Variants in CLPP observed in about 807,000 individuals in gnomAD.
CLPP encodes the protein caseinolytic mitochondrial matrix peptidase proteolytic subunit, also known as ATP-dependent Clp protease proteolytic subunit, mitochondrial.
A neutral mutation model predicts 27.4 loss-of-function variants in CLPP; 14 were observed. The ratio of observed to expected loss-of-function variants is 0.51; its 90% CI spans 0.34 to 0.80. CLPP has a LOEUF of 0.80. CLPP is among the 30% of genes least tolerant of loss of function. The probability of loss-of-function intolerance (pLI) is 0.02; values close to 1 mark genes in which losing one functional copy is unlikely to be tolerated. For synonymous variants in CLPP, 193 were observed against 166.6 expected (o/e 1.16, Z -1.22); for missense variants, 361 against 403.6 (o/e 0.89, Z 0.90).
chr19:6,364,639 G>C lies in CLPP; in HGVS notation c.555G>C (p.Arg185=). 1.2e-6 allele frequency: 2 copies of C among 1,608,518 alleles called. No homozygotes were observed. Among genetic ancestry groups the C allele is most frequent in the Non-Finnish European group, 1.7e-6 (2 of 1,178,254 alleles). ...TCCACCAGCCCTCAGGAGGCGCCCGGGTGAGTGCCAGACACGCGAGCTGCT... is the reference window on the plus strand; with the variant it reads ...TCCACCAGCCCTCAGGAGGCGCCCGCGTGAGTGCCAGACACGCGAGCTGCT... ...IMIHQPSGGA[R]GQATDIAIQA... The change falls in exon 4 of 6, where the codon CGG becomes CGC. Residue 185 remains arginine (R), a splice_region_variant and synonymous_variant. Coordinates refer to ENST00000245816, the MANE Select transcript of CLPP (RefSeq NM_006012.4).
chr19:6,368,565 T>C lies in CLPP; in HGVS notation c.689T>C (p.Met230Thr). The stretch of plus-strand genomic sequence containing the variant: ...TCCGCCATGGAGAGGGACCGCTACA[T>C]GAGCCCCATGGAGGCCCAGGAGTTT... ...IESAMERDRY[M>T]SPMEAQEFGI... The change falls in exon 6 of 6, where the codon ATG (methionine) becomes ACG (threonine). Residue 230 changes from methionine (M) to threonine (T), a missense_variant. Coordinates refer to ENST00000245816, the MANE Select transcript of CLPP (RefSeq NM_006012.4). 1 of 1,614,112 alleles carries C rather than the reference T, an allele frequency of 6.2e-7. No individual in the cohort carries two copies. Among genetic ancestry groups the C allele is most frequent in the Non-Finnish European group, 8.5e-7 (1 of 1,180,020 alleles).
chr19:6,362,619 C>G, intron 3 of CLPP, 77 bp downstream of exon 3: 1 of 995,320 alleles, frequency 1.0e-6, no homozygotes, highest in Admixed American at 1.8e-5. Context: ...AATCCCGGGT[C>G]AGGGATGTTC....
chr19:6,364,363 C>G, intron 3 of CLPP, 89 bp from the exon 4 acceptor site: 1 of 1,246,722 alleles, frequency 8.0e-7, no homozygotes, highest in South Asian at 1.4e-5. Flanking sequence ...GGGGCTGCAT[C>G]TGTTCCACCC....
In CLPP at chr19:6,366,225, C is replaced by T. The variant is rs576609366; in HGVS notation, c.556-33C>T. On this transcript the variant is annotated intron_variant, in intron 4 of 5. Coordinates refer to ENST00000245816, the MANE Select transcript of CLPP (RefSeq NM_006012.4). ...GTGAGGGGCTGACGCCGATACCAAC[C>T]TTTACCCCCTCACTCCCTTGGACGT... is the stretch of plus-strand genomic sequence containing the variant. 221 of 1,505,768 alleles carry T rather than the reference C, an allele frequency of 1.5e-4. 4 individuals are homozygous for T. In the South Asian group the frequency reaches 2.5e-3, roughly 17 times the overall value. 93.3% of individuals were successfully genotyped at this position (1,505,768 alleles called of 1,614,324 possible).
In CLPP at chr19:6,364,559, C is replaced by T; in HGVS notation, c.475C>T (p.Leu159Phe). Residue 159 changes from leucine (L) to phenylalanine (F), a missense_variant, in exon 4 of 6, where the codon CTC (leucine) becomes TTC (phenylalanine). Leu to Phe is a conservative substitution (Grantham distance 22). This residue lies in a region of CLPP where 213 missense variants were observed against 280.9 expected (regional missense o/e 0.76). Transcript: ENST00000245816. ...GGCCGCCAGCATGGGCTCCCTGCTT[C>T]TCGCCGCCGGCACCCCAGGCATGCG... ...GQAASMGSLLLAAGTPGMRHS... is the reference protein window; with the variant it reads ...GQAASMGSLLFAAGTPGMRHS... 1.9e-6 allele frequency: 3 copies of T among 1,613,254 alleles called. No homozygotes were observed. The highest frequency in any genetic ancestry group is 2.5e-6 in the Non-Finnish European group (3 of 1,179,882).
intron 2 of CLPP, chr19:6,362,166 C>T (rs2091838374): frequency 1.7e-6 from 1 of 601,874 alleles, no homozygotes. Flanking sequence ...TGACACCTGG[C>T]ACCGCTCCCC....
intron 5 of CLPP, among the ~76,000 whole-genome samples, chr19:6,367,441 A>G (rs1234105607): frequency 2.6e-5 from 4 of 151,822 alleles, no homozygotes; most frequent in African/African-American, 9.7e-5. Flanking sequence ...AATATGTTGC[A>G]TGAAAGAAGA....
In CLPP at chr19:6,361,862, C is replaced by A. The variant is rs1488871460; in HGVS notation, c.199-7C>A. The A allele has an allele frequency of 1.9e-6, 3 of 1,596,756 alleles. No homozygotes were observed. Among genetic ancestry groups the A allele is most frequent in the African/African-American group, 1.3e-5 (1 of 74,724 alleles). On this transcript the variant is annotated splice_polypyrimidine_tract_variant and splice_region_variant and intron_variant, in intron 1 of 5. Transcript: ENST00000245816. Reference sequence around the variant, plus strand: ...CCGGCCCCTCACCTCCATCTTTCTACCCCCAGGGTCGCGGCGAGCGCGCCT... The same window carrying A: ...CCGGCCCCTCACCTCCATCTTTCTAACCCCAGGGTCGCGGCGAGCGCGCCT...
intron 2 of CLPP, 172 bp from the exon 3 acceptor site, chr19:6,362,274 T>C (rs1599193447): frequency 1.8e-6 from 1 of 545,032 alleles, no homozygotes; most frequent in South Asian, 2.1e-5. Context: ...CCAAACCCCC[T>C]GGGTCCTCTC....
At chr19:6,361,808 C>G (rs1285665102) in intron 1 of CLPP, 36 bp downstream of exon 1, 8 of 1,572,056 alleles carry the variant, frequency 5.1e-6, no homozygotes, top group Non-Finnish European at 6.8e-6. Flanking sequence ...TTCGGGGGCT[C>G]CGGGCTGGGT....
intron 3 of CLPP, 91 bp downstream of exon 3, chr19:6,362,633 C>T: frequency 2.2e-6 from 2 of 916,682 alleles, no homozygotes; most frequent in South Asian, 1.4e-5. Flanking sequence ...GATGTTCTCT[C>T]TCTGGGAAAG....
chr19:6,365,967 AAAAC>A (rs1437739474), intron 4 of CLPP, among the ~76,000 whole-genome samples: 4 of 152,154 alleles, frequency 2.6e-5, no homozygotes, highest in Admixed American at 6.5e-5. Flanking sequence ...AAAAAAACAA[AAAAC>A]AAACAAAAAA....
Position 6,361,925 on chromosome 19 carries a change from G to A in CLPP, c.255G>A (p.Val85=). 3.8e-6 allele frequency: 6 copies of A among 1,598,334 alleles called. No individual in the cohort carries two copies. The highest frequency in any genetic ancestry group is 5.1e-6 in the Non-Finnish European group (6 of 1,179,484). The part of the protein sequence containing the change: ...IYSRLLRERI[V]CVMGPIDDSV... ...CGCGGCTGCTGCGGGAGCGCATCGT[G>A]TGCGTCATGGGCCCGGTGAGCGCCC... Residue 85 remains valine (V), a synonymous_variant, in exon 2 of 6, where the codon GTG becomes GTA. Coordinates refer to ENST00000245816, the MANE Select transcript of CLPP (RefSeq NM_006012.4).
In CLPP at chr19:6,368,980, T is replaced by C; in HGVS notation, c.*270T>C. ...TGTGTTTCACAGGCCCCTTCTGCTT[T>C]TGTCCTGACCCCAAGAGGCAAGCCA... On this transcript the variant is annotated 3_prime_UTR_variant, in exon 6 of 6. Coordinates refer to ENST00000245816, the MANE Select transcript of CLPP (RefSeq NM_006012.4). The C allele has an allele frequency of 2.2e-6, 1 of 451,872 alleles. No individual in the cohort carries two copies. The highest frequency in any genetic ancestry group is 4.0e-6 in the Non-Finnish European group (1 of 252,892). The allele number at this position is 451,872 out of a possible 1,614,324, so 28.0% of individuals were successfully genotyped here.
Position 6,361,590 on chromosome 19 carries a change from T to G in CLPP, c.16T>G (p.Leu6Val). 1 of 1,409,920 alleles carries G rather than the reference T, an allele frequency of 7.1e-7. No homozygotes were observed. The highest frequency in any genetic ancestry group is 2.9e-5 in the East Asian group (1 of 34,902). 87.3% of individuals were successfully genotyped at this position (1,409,920 alleles called of 1,614,324 possible). ...GTGCGGAGGGATGTGGCCCGGAATA[T>G]TGGTAGGGGGGGCCCGGGTGGCGTC... The part of the protein sequence containing the change: MWPGI[L>V]VGGARVASCR... The change falls in exon 1 of 6, where the codon TTG (leucine) becomes GTG (valine). Residue 6 changes from leucine (L) to valine (V), a missense_variant. Physicochemically the swap from Leu to Val is conservative, Grantham distance 32. Transcript: ENST00000245816.
At chr19:6,366,854 C>T (rs572793326) in intron 5 of CLPP, among the ~76,000 whole-genome samples, 1 of 151,806 alleles carries the variant, frequency 6.6e-6, no homozygotes, top group Admixed American at 6.6e-5. Flanking sequence ...TGGTCTCAAA[C>T]TCGTGAGCTC....
At chr19:6,365,883 G>A (rs1290048040) in intron 4 of CLPP, among the ~76,000 whole-genome samples, 68 of 148,442 alleles carry the variant, frequency 4.6e-4, no homozygotes, top group Non-Finnish European at 7.9e-4. Context: ...TTGGGAGGCC[G>A]AGACAGGAGG....
intron 1 of CLPP, 26 bp downstream of exon 1, chr19:6,361,798 T>C (rs2091835227): frequency 6.4e-6 from 10 of 1,569,312 alleles, no homozygotes; most frequent in South Asian, 3.4e-5. Flanking sequence ...GGGGACACGG[T>C]TCGGGGGCTC....
rs756280463 is a variant in CLPP, at chr19:6,368,702, A to G, written c.826A>G (p.Ser276Gly). ...GCCGGCAGCAGAACCTGTCCCAGCT[A>G]GCACCTGAGAGCTGGGCCTCCTCTC... ...AAPAAEPVPA[S>G]T The change falls in exon 6 of 6, where the codon AGC (serine) becomes GGC (glycine). Residue 276 changes from serine (S) to glycine (G), a missense_variant. By Grantham distance (56) the Ser-to-Gly change is moderately conservative. Around this residue, in one of 2 missense-constraint regions of CLPP, gnomAD observed 213 missense variants for 280.9 expected, o/e 0.76. Coordinates refer to ENST00000245816, the MANE Select transcript of CLPP (RefSeq NM_006012.4). 2.6e-6 allele frequency: 4 copies of G among 1,551,116 alleles called. No individual in the cohort carries two copies. In the African/African-American group the frequency reaches 4.1e-5, roughly 16 times the overall value.
Sources: gnomAD v4.1 joint callset for allele counts (sites outside exome capture counted in the v4.1 genomes callset) on GRCh38, gnomAD v4.1.1 for gene constraint, gnomAD v4.1.1 regional missense constraint, MANE v1.5 for transcripts, NCBI Gene and HGNC (gene_info 2026-07-23, HGNC 2026-07-21) for gene names.